GZF1: variants seen among roughly 807,000 people sequenced by gnomAD.
GZF1 encodes GDNF inducible zinc finger protein 1.
GZF1 carries 28 observed loss-of-function variants against 49.4 expected under a neutral mutation model. The ratio of observed to expected loss-of-function variants is 0.57; its 90% CI spans 0.42 to 0.78. The LOEUF (loss-of-function observed/expected upper bound fraction) is 0.78. Ranked by LOEUF, GZF1 falls within the 30% of genes least tolerant of loss-of-function variation. The pLI, the probability that GZF1 is intolerant of heterozygous loss-of-function variation, is 0.00. For missense variants in GZF1, 798 were observed against 916.2 expected (o/e 0.87, Z 1.67); for synonymous variants, 364 against 356.0 (o/e 1.02, Z -0.25).
At position 23,365,538 on chromosome 20, in the gene GZF1, G is replaced by A. The variant is rs1245811112; in HGVS notation, c.1155G>A (p.Lys385=). The part of the protein sequence containing the change: ...RHFPCELCGK[K]FKRKKDVKRH... Reference sequence around the variant, plus strand: ...TCCCATGCGAGCTGTGCGGGAAGAAGTTCAAGCGCAAGAAGGACGTGAAGC... The same window carrying A: ...TCCCATGCGAGCTGTGCGGGAAGAAATTCAAGCGCAAGAAGGACGTGAAGC... Residue 385 remains lysine, a synonymous_variant, in exon 2 of 6, where the codon AAG becomes AAA. Transcript: ENST00000338121. 2 of 1,613,270 alleles carry A rather than the reference G, an allele frequency of 1.2e-6. No individual in the cohort carries two copies. The highest frequency in any genetic ancestry group is 3.3e-5 in the Admixed American group (2 of 60,002).
At position 23,365,274 on chromosome 20, in the gene GZF1, GGAGGAGGAA is replaced by G. The variant is rs770059951; in HGVS notation, c.900_908del (p.Glu304_Glu306del). ...AGGAATTGTCAAAGAAAGCAGGGCC[GGAGGAGGAA>G]GAGGAGGAGGAGGAGGAGGACGAAG... On this transcript the variant is annotated inframe_deletion, in exon 2 of 6. Transcript: ENST00000338121. The G allele has an allele frequency of 1.9e-5, 30 of 1,606,650 alleles. No individual in the cohort carries two copies. Among genetic ancestry groups the G allele is most frequent in the African/African-American group, 4.1e-5 (3 of 73,992 alleles).
intron 4 of GZF1, 90 bp from the exon 5 acceptor site, chr20:23,369,494 G>T: frequency 8.2e-7 from 1 of 1,216,884 alleles, no homozygotes. Flanking sequence ...CCAGTGGTTT[G>T]CAACAGCATC....
chr20:23,365,698 G>T lies in GZF1; in HGVS notation c.1315G>T (p.Glu439Ter), dbSNP rs1472950357. 6.3e-7 allele frequency: 1 copy of T among 1,575,682 alleles called. No homozygotes were observed. Among genetic ancestry groups the T allele is most frequent in the Admixed American group, 1.8e-5 (1 of 57,012 alleles). The change falls in exon 2 of 6, where the codon GAG (glutamate) becomes TAG (stop). Residue 439 changes from glutamate to a stop codon, truncating the protein, a stop_gained. Coordinates refer to ENST00000338121, the MANE Select transcript of GZF1 (RefSeq NM_022482.5). LOFTEE classifies it high-confidence loss of function. ...GGGAGACCGGCCCTACGGCTGCACC[G>T]AGTGCGGCGCCAGGTTCTCGCAGCC... is the stretch of plus-strand genomic sequence containing the variant. ...HTGDRPYGCTECGARFSQPSA... is the reference protein window; with the variant it reads ...HTGDRPYGCT
At chr20:23,362,668 C>T (rs2123019386) in intron 1 of GZF1, 1 of 152,320 alleles carries the variant, frequency 6.6e-6, no homozygotes, top group East Asian at 1.9e-4. Context: ...GATTCAGGGG[C>T]CGCCGACGTT....
Position 23,364,387 on chromosome 20 carries a change from G to A in GZF1, c.4G>A (p.Glu2Lys), listed in dbSNP as rs756606093. 1.9e-6 allele frequency: 3 copies of A among 1,558,960 alleles called. No homozygotes were observed. In the Admixed American group the frequency reaches 5.9e-5, roughly 31 times the overall value. The change falls in exon 2 of 6, where the codon GAA (glutamate) becomes AAA (lysine). Residue 2 changes from glutamate (E) to lysine (K), a missense_variant. Glu to Lys is a moderately conservative substitution (Grantham distance 56, BLOSUM62 1). Coordinates refer to ENST00000338121, the MANE Select transcript of GZF1 (RefSeq NM_022482.5). M[E>K]SGAVLLESKS... ...GCTGTTTTTGGAAGGAAGAAAGATG[G>A]AAAGCGGTGCAGTTCTGCTGGAATC...
chr20:23,365,622 C>G lies in GZF1; in HGVS notation c.1239C>G (p.Gly413=). Residue 413 remains glycine (G), a synonymous_variant, in exon 2 of 6, where the codon GGC becomes GGG. Transcript: ENST00000338121. The part of the protein sequence containing the change: ...GGERHRCGQC[G]KGLSSKTALR... ...AGCGGCACCGCTGCGGCCAGTGCGG[C>G]AAGGGCCTGAGTTCCAAGACAGCGC... 1 of 1,605,606 alleles carries G rather than the reference C, an allele frequency of 6.2e-7. No individual in the cohort carries two copies. Among genetic ancestry groups the G allele is most frequent in the Non-Finnish European group, 8.5e-7 (1 of 1,179,368 alleles).
chr20:23,361,737 C>T (rs958834326), upstream of GZF1, among the ~76,000 whole-genome samples: 1 of 152,236 alleles, frequency 6.6e-6, no homozygotes, highest in Non-Finnish European at 1.5e-5. Context: ...TGCGCTCGGC[C>T]TCGGGGACGT....
Position 23,367,102 on chromosome 20 carries a change from A to G in GZF1, c.1459+5A>G. 2 of 1,563,230 alleles carry G rather than the reference A, an allele frequency of 1.3e-6. No individual in the cohort carries two copies. The highest frequency in any genetic ancestry group is 1.8e-6 in the Non-Finnish European group (2 of 1,135,368). ...ATCATAAAAGGTGTCACACAGGTAA[A>G]TACTCATGCTGTTGTGATTGAATGT... On this transcript the variant is annotated splice_donor_5th_base_variant and intron_variant, in intron 3 of 5. Transcript: ENST00000338121.
At chr20:23,366,079 G>C (rs1216890863) in intron 2 of GZF1, among the ~76,000 whole-genome samples, 1 of 152,186 alleles carries the variant, frequency 6.6e-6, no homozygotes, top group Non-Finnish European at 1.5e-5. Flanking sequence ...TTTAGATCTT[G>C]GGGTTCTGTG....
Position 23,368,776 on chromosome 20 carries a change from A to G in GZF1, c.1474A>G (p.Met492Val). The G allele has an allele frequency of 6.2e-7, 1 of 1,608,690 alleles. No individual in the cohort carries two copies. The highest frequency in any genetic ancestry group is 8.5e-7 in the Non-Finnish European group (1 of 1,177,848). ...TTCTCATGTAGGTGAAAGACCTTTT[A>G]TGTGTGAAACATGTGGCAAGAGTTT... Reference protein sequence around the residue: ...KRCHTGERPFMCETCGKSFAS... With the variant: ...KRCHTGERPFVCETCGKSFAS... The change falls in exon 4 of 6, where the codon ATG becomes GTG. Residue 492 changes from methionine to valine, a missense_variant. This residue lies in a region of GZF1 where 446 missense variants were observed against 540.1 expected (regional missense o/e 0.83). Coordinates refer to ENST00000338121, the MANE Select transcript of GZF1 (RefSeq NM_022482.5).
chr20:23,361,618 A>G (rs1400672417), upstream of GZF1, among the ~76,000 whole-genome samples: 1 of 151,844 alleles, frequency 6.6e-6, no homozygotes, highest in Admixed American at 6.5e-5. Context: ...GCCTGGCGCC[A>G]GTTCTCCAGC....
chr20:23,363,534 G>A (rs1210618752), intron 1 of GZF1, among the ~76,000 whole-genome samples: 1 of 152,172 alleles, frequency 6.6e-6, no homozygotes, highest in Non-Finnish European at 1.5e-5. Flanking sequence ...AGTTGAATCC[G>A]GGCACCAGGC....
chr20:23,362,245 CG>C lies in GZF1; in HGVS notation c.-22+9del, dbSNP rs1373314929. 2.0e-5 allele frequency: 3 copies of C among 152,118 alleles called. No individual in the cohort carries two copies. Among genetic ancestry groups the C allele is most frequent in the Non-Finnish European group, 4.4e-5 (3 of 68,162 alleles). The allele number at this position is 152,118 out of a possible 1,614,324, so 9.4% of individuals were successfully genotyped here. Reference sequence around the variant, plus strand: ...GGGGGCGCCGGCTGGGAGGTGAGTGCGCGGCCCGTAGGCCTGGCTCCGGCCC... The same window carrying C: ...GGGGGCGCCGGCTGGGAGGTGAGTGCCGGCCCGTAGGCCTGGCTCCGGCCC... On this transcript the variant is annotated intron_variant, in intron 1 of 5. Transcript: ENST00000338121.
chr20:23,365,078 T>C lies in GZF1; in HGVS notation c.695T>C (p.Phe232Ser). The C allele has an allele frequency of 6.2e-7, 1 of 1,613,996 alleles. No individual in the cohort carries two copies. The highest frequency in any genetic ancestry group is 8.5e-7 in the Non-Finnish European group (1 of 1,180,020). Residue 232 changes from phenylalanine to serine, a missense_variant, in exon 2 of 6, where the codon TTT becomes TCT. Phe to Ser is a radical substitution (Grantham distance 155, BLOSUM62 -2). This residue lies in a region of GZF1 where 247 missense variants were observed against 228.5 expected (regional missense o/e 1.08). Transcript: ENST00000338121. ...GGAAGGCTGGCTGGGAGGAAGGTCT[T>C]TGTGGAGATCCCTAAAAAGAAATAT... ...ASGRLAGRKV[F>S]VEIPKKKYTR...
chr20:23,366,542 G>A (rs1376515358), intron 2 of GZF1, among the ~76,000 whole-genome samples: 1 of 152,206 alleles, frequency 6.6e-6, no homozygotes, highest in Non-Finnish European at 1.5e-5. Context: ...GGCAATTTGA[G>A]AACAGTTCTC....
intron 4 of GZF1, 71 bp from the exon 5 acceptor site, chr20:23,369,513 A>G: frequency 7.3e-7 from 1 of 1,365,702 alleles, no homozygotes. Flanking sequence ...TCATTCACTC[A>G]AGTGTGTATT....
upstream of GZF1, among the ~76,000 whole-genome samples, chr20:23,361,461 G>A (rs1353683130): frequency 6.6e-6 from 1 of 152,228 alleles, no homozygotes; most frequent in African/African-American, 2.4e-5. Flanking sequence ...AGTGAACAAA[G>A]CTTTCGCCCG....
rs563699571 is a variant in GZF1, at chr20:23,364,600, A to G, written c.217A>G (p.Thr73Ala). Residue 73 changes from threonine to alanine, a missense_variant, in exon 2 of 6, where the codon ACT (threonine) becomes GCT (alanine). Transcript: ENST00000338121. ...CCTTAATGAGAAGAGTGTGGATGGT[A>G]CTAGGACTAATGTCTACTTAAATGA... ...VFLNEKSVDG[T>A]RTNVYLNEVQ... The G allele has an allele frequency of 1.5e-5, 24 of 1,614,130 alleles. No homozygotes were observed. Among genetic ancestry groups the G allele is most frequent in the Non-Finnish European group, 2.0e-5 (24 of 1,180,048 alleles).
At chr20:23,369,807 C>T (rs1356442371) in intron 5 of GZF1, 66 bp downstream of exon 5, 3 of 1,509,812 alleles carry the variant, frequency 2.0e-6, no homozygotes, top group African/African-American at 2.8e-5. Context: ...AAGAGAAATA[C>T]CTACCACCAT....
Sources: gnomAD v4.1 joint callset for allele counts (sites outside exome capture counted in the v4.1 genomes callset) on GRCh38, gnomAD v4.1.1 for gene constraint, gnomAD v4.1.1 regional missense constraint, MANE v1.5 for transcripts, NCBI Gene and HGNC (gene_info 2026-07-23, HGNC 2026-07-21) for gene names.